Variants in EPB41L5 observed in about 807,000 individuals in gnomAD.
EPB41L5 encodes the protein band 4.1-like protein 5.
In EPB41L5, 55 loss-of-function variants were observed where a neutral mutation model predicts 106.6. That is an observed-to-expected ratio of 0.52 (90% confidence interval 0.42 to 0.65). EPB41L5 has a LOEUF of 0.65. Ranked by LOEUF, EPB41L5 falls within the 30% of genes least tolerant of loss-of-function variation. The pLI is 0.00. For synonymous variants in EPB41L5, 297 were observed against 306.7 expected (o/e 0.97, Z 0.33); for missense variants, 871 against 882.1 (o/e 0.99, Z 0.16).
chr2:120,094,150 CTAATTTTTAAATTTTT>C (rs1261696873), intron 14 of EPB41L5, among the ~76,000 whole-genome samples: 2 of 152,006 alleles, frequency 1.3e-5, no homozygotes, highest in Non-Finnish European at 2.9e-5. Context: ...TCATGCATGG[CTAATTTTTAAATTTTT>C]TGTAGAGATG....
intron 2 of EPB41L5, among the ~76,000 whole-genome samples, chr2:120,022,902 G>A (rs1047030456): frequency 1.3e-5 from 2 of 152,118 alleles, no homozygotes; most frequent in African/African-American, 4.8e-5. Context: ...ATCTCATTGT[G>A]ATTTTGATTT....
At chr2:120,068,338 C>T (rs1681597880) in intron 3 of EPB41L5, among the ~76,000 whole-genome samples, 1 of 152,226 alleles carries the variant, frequency 6.6e-6, no homozygotes, top group Non-Finnish European at 1.5e-5. Flanking sequence ...GGGTTTCAAG[C>T]ACAAAACTGG....
At chr2:120,026,688 A>G (rs1470375828) in intron 2 of EPB41L5, among the ~76,000 whole-genome samples, 1 of 152,196 alleles carries the variant, frequency 6.6e-6, no homozygotes, top group Non-Finnish European at 1.5e-5. Flanking sequence ...TTTCTTACAT[A>G]TGATATAAAA....
chr2:120,159,103 A>G (rs1687022107), intron 20 of EPB41L5, among the ~76,000 whole-genome samples: 1 of 152,118 alleles, frequency 6.6e-6, no homozygotes, highest in African/African-American at 2.4e-5. Context: ...GACACAGACT[A>G]ATGGAAAAAC....
At chr2:120,082,619 T>A (rs1188801913) in intron 10 of EPB41L5, among the ~76,000 whole-genome samples, 2 of 152,214 alleles carry the variant, frequency 1.3e-5, no homozygotes, top group East Asian at 3.8e-4. Context: ...GCTGGCCTCA[T>A]AAAATGCGTT....
intron 3 of EPB41L5, among the ~76,000 whole-genome samples, chr2:120,049,239 T>A (rs1167656698): frequency 6.6e-6 from 1 of 152,226 alleles, no homozygotes; most frequent in East Asian, 1.9e-4. Flanking sequence ...GTCTTGTTGA[T>A]CTGTCTGATG....
In EPB41L5 at chr2:120,082,254, A is replaced by C. The variant is rs998666644; in HGVS notation, c.803+3673A>C. On this transcript the variant is annotated intron_variant, in intron 10 of 24. Transcript: ENST00000263713. ...TGATATTGGCTGTGGGTTTGTCATA[A>C]ATAGCTCTTATTATTTTGAGATACA... is the stretch of plus-strand genomic sequence containing the variant. Among the ~76,000 whole-genome samples, 41 of 152,170 alleles carry C rather than the reference A, an allele frequency of 2.7e-4. 1 individual carries two copies. Among genetic ancestry groups the C allele is most frequent in the African/African-American group, 8.0e-4 (33 of 41,430 alleles).
At chr2:120,113,535 C>T (rs915379570) in intron 16 of EPB41L5, among the ~76,000 whole-genome samples, 16 of 152,140 alleles carry the variant, frequency 1.1e-4, no homozygotes, top group South Asian at 2.1e-4. Context: ...TGTGTAACTA[C>T]GTTTAAAAAA....
intron 16 of EPB41L5, chr2:120,105,978 C>G (rs1684430495): frequency 1.0e-6 from 1 of 985,374 alleles, no homozygotes; most frequent in Non-Finnish European, 1.2e-6. Context: ...GATTTGACTT[C>G]ACTCACTTTA....
intron 2 of EPB41L5, among the ~76,000 whole-genome samples, chr2:120,021,717 G>T (rs1677945731): frequency 6.6e-6 from 1 of 152,204 alleles, no homozygotes; most frequent in South Asian, 2.1e-4. Context: ...TACGTGCATG[G>T]ATATAAAGTG....
chr2:120,041,369 C>G (rs1679393440), intron 2 of EPB41L5, among the ~76,000 whole-genome samples: 1 of 152,130 alleles, frequency 6.6e-6, no homozygotes, highest in Non-Finnish European at 1.5e-5. Flanking sequence ...CCTCGGTGAT[C>G]ATGAGACCAC....
chr2:120,145,446 G>A (rs1168137439), intron 19 of EPB41L5, among the ~76,000 whole-genome samples: 1 of 152,156 alleles, frequency 6.6e-6, no homozygotes, highest in Non-Finnish European at 1.5e-5. Context: ...GAAAGGATAG[G>A]TACTGTGATT....
At chr2:120,077,897 C>T (rs1682362217) in intron 9 of EPB41L5, among the ~76,000 whole-genome samples, 1 of 152,154 alleles carries the variant, frequency 6.6e-6, no homozygotes, top group Non-Finnish European at 1.5e-5. Context: ...CAGGAGGCCT[C>T]AGGAAACTTA....
chr2:120,083,734 T>G, intron 10 of EPB41L5, among the ~76,000 whole-genome samples: 1 of 152,340 alleles, frequency 6.6e-6, no homozygotes, highest in East Asian at 1.9e-4. Flanking sequence ...TGTGGGAGTC[T>G]GAGTCTCTTT....
At chr2:120,146,567 A>G (rs1686414133) in intron 20 of EPB41L5, among the ~76,000 whole-genome samples, 1 of 152,220 alleles carries the variant, frequency 6.6e-6, no homozygotes, top group Non-Finnish European at 1.5e-5. Context: ...TCACCTGGTA[A>G]GGAGTGTGTA....
intron 3 of EPB41L5, among the ~76,000 whole-genome samples, chr2:120,053,534 G>C (rs933474790): frequency 6.6e-6 from 1 of 152,134 alleles, no homozygotes; most frequent in Non-Finnish European, 1.5e-5. Context: ...GGCAAACGCT[G>C]TCTATGGATT....
intron 3 of EPB41L5, among the ~76,000 whole-genome samples, chr2:120,067,654 T>C (rs1027135492): frequency 6.6e-6 from 1 of 152,228 alleles, no homozygotes; most frequent in African/African-American, 2.4e-5. Flanking sequence ...CAAAGACTTC[T>C]TTATTTAATA....
intron 16 of EPB41L5, chr2:120,105,530 A>AT: frequency 1.0e-6 from 1 of 985,264 alleles, no homozygotes; most frequent in Non-Finnish European, 1.2e-6. Flanking sequence ...CAGTTTGTCC[A>AT]TAGAAGACCT....
intron 16 of EPB41L5, among the ~76,000 whole-genome samples, chr2:120,118,347 AT>A (rs1458578447): frequency 6.6e-6 from 1 of 152,058 alleles, no homozygotes; most frequent in Non-Finnish European, 1.5e-5. Flanking sequence ...TTATTTATTT[AT>A]TTTTTCTTTA....
Sources: gnomAD v4.1 joint callset for allele counts (sites outside exome capture counted in the v4.1 genomes callset) on GRCh38, gnomAD v4.1.1 for gene constraint, MANE v1.5 for transcripts, NCBI Gene and HGNC (gene_info 2026-07-23, HGNC 2026-07-21) for gene names.